SIPA1L2: variants seen among roughly 807,000 people sequenced by gnomAD.
SIPA1L2 encodes signal-induced proliferation-associated 1-like protein 2.
In SIPA1L2, 56 loss-of-function variants were observed where a neutral mutation model predicts 163.9. The ratio of observed to expected loss-of-function variants is 0.34; its 90% confidence interval spans 0.28 to 0.43. SIPA1L2 has a LOEUF of 0.43. Among genes scored for constraint, SIPA1L2 ranks in the 20% least tolerant of loss-of-function variants. The pLI is 1.00. For missense variants in SIPA1L2, 1,974 were observed against 2,193.5 expected, an observed-to-expected ratio of 0.90 and a Z score of 2.00; for synonymous variants, 877 against 865.7, an observed-to-expected ratio of 1.01 and a Z score of -0.23.
intron 1 of SIPA1L2, among the ~76,000 whole-genome samples, 147 bp downstream of exon 1, chr1:232,629,722 C>A (rs1399825190): frequency 2.0e-5 from 3 of 152,042 alleles, no homozygotes; most frequent in Admixed American, 6.5e-5. Context: ...ACCCTCGCAC[C>A]CCCGCGCCCC....
chr1:232,471,103 G>A (rs1016567627), intron 8 of SIPA1L2, among the ~76,000 whole-genome samples: 1 of 152,182 alleles, frequency 6.6e-6, no homozygotes, highest in African/African-American at 2.4e-5. Context: ...CAACTCAGAG[G>A]AGGATACCAA....
intron 2 of SIPA1L2, among the ~76,000 whole-genome samples, chr1:232,527,616 A>AT (rs1667767675): frequency 6.6e-6 from 1 of 151,982 alleles, no homozygotes; most frequent in Non-Finnish European, 1.5e-5. Flanking sequence ...AACACTAAAG[A>AT]TCTTTACCTG....
chr1:232,445,724 G>A lies in SIPA1L2; in HGVS notation c.3158C>T (p.Pro1053Leu). ...VEYKLDSEGT[P>L]CEYKTPFRRN... ...CCTGAAGGGGGTTTTATACTCGCAG[G>A]GGGTGCCCTCGCTGTCGAGTTTATA... Residue 1053 changes from proline to leucine, a missense_variant, in exon 11 of 23, where the codon CCC becomes CTC. This residue lies in a region of SIPA1L2 where 1,079 missense variants were observed against 1,150.7 expected (regional missense o/e 0.94). Coordinates refer to ENST00000674635, the MANE Select transcript of SIPA1L2 (RefSeq NM_020808.5). The A allele has an allele frequency of 2.5e-6, 4 of 1,613,720 alleles. No individual in the cohort carries two copies. The highest frequency in any genetic ancestry group is 3.4e-6 in the Non-Finnish European group (4 of 1,179,936).
chr1:232,552,740 A>G (rs1658464913), intron 2 of SIPA1L2, among the ~76,000 whole-genome samples: 1 of 152,242 alleles, frequency 6.6e-6, no homozygotes, highest in African/African-American at 2.4e-5. Context: ...TATAAGAGAA[A>G]GAAATAACAT....
intron 14 of SIPA1L2, among the ~76,000 whole-genome samples, chr1:232,440,723 G>C (rs1007453071): frequency 6.6e-6 from 1 of 152,152 alleles, no homozygotes; most frequent in African/African-American, 2.4e-5. Context: ...AACAATTCCT[G>C]TTTCTGCATT....
At chr1:232,413,446 A>T (rs1362691795) in intron 19 of SIPA1L2, among the ~76,000 whole-genome samples, 1 of 152,188 alleles carries the variant, frequency 6.6e-6, no homozygotes, top group Non-Finnish European at 1.5e-5. Context: ...GTTCTGAAGG[A>T]ACATTTGAAA....
At chr1:232,411,042 G>A (rs1235307969) in intron 19 of SIPA1L2, among the ~76,000 whole-genome samples, 13 of 152,180 alleles carry the variant, frequency 8.5e-5, no homozygotes, top group African/African-American at 2.7e-4. Context: ...CCCCACAACT[G>A]GGATCAGCCA....
At chr1:232,442,429 T>C (rs1363230404) in intron 12 of SIPA1L2, among the ~76,000 whole-genome samples, 3 of 151,030 alleles carry the variant, frequency 2.0e-5, no homozygotes, top group Non-Finnish European at 4.4e-5. Context: ...GCGCCTGTAA[T>C]CCCAGCTACC....
intron 5 of SIPA1L2, among the ~76,000 whole-genome samples, chr1:232,486,590 T>C (rs1403842302): frequency 2.6e-5 from 4 of 152,190 alleles, no homozygotes; most frequent in Non-Finnish European, 5.9e-5. Context: ...CTCACAGGTA[T>C]TTGCCAGTCA....
At chr1:232,568,557 T>A (rs911086399) in intron 2 of SIPA1L2, among the ~76,000 whole-genome samples, 2 of 151,922 alleles carry the variant, frequency 1.3e-5, no homozygotes, top group African/African-American at 4.8e-5. Context: ...AAAAAAAGAG[T>A]GTTCCAAGCC....
At chr1:232,483,628 T>C (rs996862335) in intron 6 of SIPA1L2, among the ~76,000 whole-genome samples, 164 bp downstream of exon 6, 41 of 152,168 alleles carry the variant, frequency 2.7e-4, no homozygotes, top group Admixed American at 2.7e-3. Flanking sequence ...GAGAAATGTG[T>C]TTCCTTTGTT....
chr1:232,432,511 T>G (rs746089951), intron 15 of SIPA1L2, 40 bp from the exon 16 acceptor site: 2 of 1,583,316 alleles, frequency 1.3e-6, no homozygotes, highest in Non-Finnish European at 8.7e-7. Flanking sequence ...TACAATCTGA[T>G]TTCAGCAGTG....
In SIPA1L2 at chr1:232,411,941, T is replaced by C. The variant is rs191476110; in HGVS notation, c.4762+3553A>G. 1.5e-3 allele frequency among the ~76,000 whole-genome samples: 233 copies of C among 152,330 alleles called. 3 individuals carry two copies. Among genetic ancestry groups the C allele is most frequent in the Non-Finnish European group, 2.8e-4 (19 of 68,038 alleles). On this transcript the variant is annotated intron_variant, in intron 19 of 22. Coordinates refer to ENST00000674635, the MANE Select transcript of SIPA1L2 (RefSeq NM_020808.5). ...ATTATCACTGCCTTATGGTCAGCAA[T>C]GTGGTCTGGAAACACGCCTCCTTTT...
chr1:232,613,788 C>T (rs1662371548), intron 1 of SIPA1L2, among the ~76,000 whole-genome samples: 1 of 152,094 alleles, frequency 6.6e-6, no homozygotes, highest in Non-Finnish European at 1.5e-5. Flanking sequence ...AGAATATGAC[C>T]TTTCAGGTGC....
chr1:232,436,644 G>T (rs547701047), intron 15 of SIPA1L2, among the ~76,000 whole-genome samples: 3 of 152,300 alleles, frequency 2.0e-5, no homozygotes, highest in South Asian at 2.1e-4. Flanking sequence ...CCCAGCTGGG[G>T]TTGGCATTTC....
rs770114214 is a variant in SIPA1L2, at chr1:232,538,186, C to T, written c.-269-22578G>A. Among the ~76,000 whole-genome samples the T allele has an allele frequency of 5.9e-5, 9 of 152,092 alleles. No homozygotes were observed. In the South Asian group the frequency reaches 1.0e-3, roughly 18 times the overall value. On this transcript the variant is annotated intron_variant, in intron 2 of 22. Coordinates refer to ENST00000674635, the MANE Select transcript of SIPA1L2 (RefSeq NM_020808.5). ...TGGCACAGGTGGGATCACGGTCAGG[C>T]CAGGATGGGGCCAGGATGGGGATCT...
intron 2 of SIPA1L2, among the ~76,000 whole-genome samples, chr1:232,542,590 A>G (rs1445629073): frequency 5.3e-5 from 8 of 152,108 alleles, no homozygotes; most frequent in Non-Finnish European, 7.4e-5. Context: ...CACCCTAGCA[A>G]TCAGGGCCCT....
intron 2 of SIPA1L2, among the ~76,000 whole-genome samples, chr1:232,556,267 T>C (rs1658697723): frequency 6.6e-6 from 1 of 152,238 alleles, no homozygotes; most frequent in African/African-American, 2.4e-5. Flanking sequence ...CCCTCAAATT[T>C]ACCCAACATC....
chr1:232,613,701 T>C (rs1297851659), intron 1 of SIPA1L2, among the ~76,000 whole-genome samples: 2 of 151,074 alleles, frequency 1.3e-5, no homozygotes, highest in Non-Finnish European at 3.0e-5. Flanking sequence ...ACAAAATTTA[T>C]GTGTGTGCGT....
Sources: allele counts gnomAD v4.1 joint callset (sites outside exome capture counted in the v4.1 genomes callset), GRCh38; gene constraint gnomAD v4.1.1; regional missense constraint gnomAD v4.1.1; transcripts MANE v1.5; gene names NCBI Gene and HGNC (gene_info 2026-07-23, HGNC 2026-07-21).